RNF13: variants seen among roughly 807,000 people sequenced by gnomAD.
RNF13 encodes E3 ubiquitin-protein ligase RNF13.
Under a neutral mutation model 37.7 loss-of-function variants are expected in RNF13, and 19 were observed. That is an observed-to-expected ratio of 0.50 (90% CI 0.35 to 0.74). RNF13 has a LOEUF of 0.74. RNF13 is among the 30% of genes least tolerant of loss of function. The pLI is 0.01. For synonymous variants in RNF13, 144 were observed against 157.8 expected (o/e 0.91, Z 0.65); for missense variants, 375 against 453.0 (o/e 0.83, Z 1.56).
intron 3 of RNF13, among the ~76,000 whole-genome samples, chr3:149,860,270 A>AAAAATATAT (rs1302318768): frequency 2.3e-4 from 24 of 104,090 alleles, no homozygotes; most frequent in African/African-American, 6.7e-4. Context: ...AAAAAAAAAA[A>AAAAATATAT]ATATATATAT....
chr3:149,902,409 C>T (rs1715941984), intron 6 of RNF13, among the ~76,000 whole-genome samples: 2 of 151,934 alleles, frequency 1.3e-5, no homozygotes, highest in South Asian at 4.1e-4. Context: ...AAAAAGATAA[C>T]TTTTCATTTT....
At chr3:149,936,851 C>T (rs1310597010) in intron 8 of RNF13, among the ~76,000 whole-genome samples, 1 of 152,084 alleles carries the variant, frequency 6.6e-6, no homozygotes, top group Non-Finnish European at 1.5e-5. Flanking sequence ...TTTGCTTGGT[C>T]TTTCAGGTGT....
intron 2 of RNF13, among the ~76,000 whole-genome samples, chr3:149,850,818 A>G (rs894430652): frequency 9.8e-5 from 15 of 152,340 alleles, no homozygotes; most frequent in African/African-American, 3.1e-4. Flanking sequence ...AATTAAATCA[A>G]TTAAATGTGT....
intron 2 of RNF13, 122 bp downstream of exon 2, chr3:149,846,262 C>A: frequency 3.4e-6 from 2 of 592,842 alleles, no homozygotes; most frequent in Non-Finnish European, 6.0e-6. Context: ...CATACCCCAA[C>A]ACATATACAC....
chr3:149,939,736 C>A (rs1293931531), intron 8 of RNF13: 3 of 683,768 alleles, frequency 4.4e-6, no homozygotes, highest in South Asian at 1.3e-5. Context: ...CTTTTGTTGA[C>A]AACTGAAAAG....
At chr3:149,884,232 G>A (rs963098071) in intron 4 of RNF13, among the ~76,000 whole-genome samples, 1 of 152,038 alleles carries the variant, frequency 6.6e-6, no homozygotes, top group Non-Finnish European at 1.5e-5. Context: ...ATTTTGTTGT[G>A]GCTGGCAGTA....
intron 3 of RNF13, among the ~76,000 whole-genome samples, chr3:149,862,861 T>A (rs539096078): frequency 6.6e-6 from 1 of 152,310 alleles, no homozygotes; most frequent in South Asian, 2.1e-4. Context: ...TATAAAAGAA[T>A]GTCCAGCCAC....
chr3:149,866,537 G>C (rs1413385133), intron 3 of RNF13, among the ~76,000 whole-genome samples: 1 of 152,182 alleles, frequency 6.6e-6, no homozygotes, highest in Admixed American at 6.5e-5. Flanking sequence ...TGTGTCTAGT[G>C]CTGACCTCTT....
At chr3:149,841,152 A>G (rs967800341) in intron 1 of RNF13, among the ~76,000 whole-genome samples, 2 of 152,218 alleles carry the variant, frequency 1.3e-5, no homozygotes, top group African/African-American at 4.8e-5. Flanking sequence ...CATTTTTACC[A>G]TAAATAATAT....
At chr3:149,845,674 T>C (rs912780560) in intron 1 of RNF13, 25 of 166,280 alleles carry the variant, frequency 1.5e-4, no homozygotes, top group African/African-American at 5.2e-4. Flanking sequence ...GTGTATGTTT[T>C]TAACCATTAT....
At chr3:149,946,177 T>G (rs926129232) in intron 8 of RNF13, among the ~76,000 whole-genome samples, 1 of 152,186 alleles carries the variant, frequency 6.6e-6, no homozygotes, top group Non-Finnish European at 1.5e-5. Flanking sequence ...GAGAAAAGAT[T>G]AGACAAATGG....
rs535715899 is a variant in RNF13, at chr3:149,895,416, A to G, written c.322-57A>G. Reference sequence around the variant, plus strand: ...GTAAGTTTTTATAATCAATTGTAAAAGACAAACCACTGTCTTCCTTATAAC... The same window carrying G: ...GTAAGTTTTTATAATCAATTGTAAAGGACAAACCACTGTCTTCCTTATAAC... On this transcript the variant is annotated intron_variant, in intron 4 of 9. Coordinates refer to ENST00000392894, the MANE Select transcript of RNF13 (RefSeq NM_183381.3). The G allele has an allele frequency of 2.2e-4, 233 of 1,082,472 alleles. 1 individual carries two copies. The Middle Eastern group carries it at 2.4e-3, about 11-fold the overall frequency. The allele number at this position is 1,082,472 out of a possible 1,614,324, so 67.1% of individuals were successfully genotyped here.
At chr3:149,832,597 A>C (rs1269581760) in intron 1 of RNF13, among the ~76,000 whole-genome samples, 1 of 152,140 alleles carries the variant, frequency 6.6e-6, no homozygotes, top group Admixed American at 6.6e-5. Context: ...CCAAACCAAC[A>C]ATTGGTTTTT....
chr3:149,939,460 T>C, intron 8 of RNF13: 2 of 560,850 alleles, frequency 3.6e-6, no homozygotes, highest in Admixed American at 1.9e-5. Context: ...TACTAAGTGC[T>C]GTCCACTAAT....
intron 4 of RNF13, among the ~76,000 whole-genome samples, chr3:149,886,311 G>A (rs570193723): frequency 6.6e-6 from 1 of 152,230 alleles, no homozygotes; most frequent in African/African-American, 2.4e-5. Context: ...TCTGTAGATT[G>A]CTTTGGGTAG....
intron 1 of RNF13, among the ~76,000 whole-genome samples, chr3:149,820,680 C>G (rs1719924014): frequency 1.3e-5 from 2 of 152,068 alleles, no homozygotes; most frequent in Non-Finnish European, 2.9e-5. Context: ...ACGTAATTAA[C>G]CATTTTAAAG....
intron 4 of RNF13, among the ~76,000 whole-genome samples, chr3:149,877,796 A>C (rs906537808): frequency 3.3e-5 from 5 of 152,116 alleles, no homozygotes; most frequent in African/African-American, 1.2e-4. Context: ...ATTCCACTAA[A>C]GGAGCATATT....
chr3:149,931,884 C>A lies in RNF13; in HGVS notation c.700+10657C>A, dbSNP rs74992914. On this transcript the variant is annotated intron_variant, in intron 8 of 9. Transcript: ENST00000392894. Reference sequence around the variant, plus strand: ...CATCTGGTAACCACCAGTTTGCTCTCTACCTCCATGAGATCAGTTTTCTTA... The same window carrying A: ...CATCTGGTAACCACCAGTTTGCTCTATACCTCCATGAGATCAGTTTTCTTA... Among the ~76,000 whole-genome samples, 48 of 152,318 alleles carry A rather than the reference C, an allele frequency of 3.2e-4. No homozygotes were observed. The East Asian group carries it at 7.3e-3, about 23-fold the overall frequency.
chr3:149,855,234 G>A (rs1461336017), intron 3 of RNF13, among the ~76,000 whole-genome samples: 3 of 152,134 alleles, frequency 2.0e-5, no homozygotes, highest in Non-Finnish European at 4.4e-5. Flanking sequence ...TGGGAGAATC[G>A]CTTGAACCCA....
Sources: gnomAD v4.1 joint callset for allele counts (sites outside exome capture counted in the v4.1 genomes callset) on GRCh38, gnomAD v4.1.1 for gene constraint, MANE v1.5 for transcripts, NCBI Gene and HGNC (gene_info 2026-07-23, HGNC 2026-07-21) for gene names.